The following TXNL4A variants were observed in gnomAD, a reference collection of about 807,000 sequenced individuals.
TXNL4A encodes the protein thioredoxin-like protein 4A.
TXNL4A carries 17 observed loss-of-function variants against 14.6 expected under a neutral mutation model. That is an observed-to-expected ratio of 1.16 (90% CI 0.80 to 1.74). TXNL4A has a LOEUF of 1.74. Among genes scored for constraint, TXNL4A ranks in the 40% most tolerant of loss-of-function variants. The pLI, the probability that TXNL4A is intolerant of heterozygous loss-of-function variation, is 0.00. For missense variants in TXNL4A, 74 were observed against 195.2 expected, an observed-to-expected ratio of 0.38 and a Z score of 3.70; for synonymous variants, 83 against 70.6, an observed-to-expected ratio of 1.18 and a Z score of -0.88.
chr18:79,981,409 C>T (rs112674070), intron 1 of TXNL4A, among the ~76,000 whole-genome samples: 37,850 of 152,226 alleles, frequency 0.25, 5,964 homozygotes, highest in Non-Finnish European at 0.36. Flanking sequence ...AGGTGGCTCA[C>T]GCCTGTAATC....
chr18:80,028,845 TACA>T, intron 1 of TXNL4A, among the ~76,000 whole-genome samples: 1 of 152,340 alleles, frequency 6.6e-6, no homozygotes, highest in South Asian at 2.1e-4. Context: ...ATAAAAAATG[TACA>T]ACATGTATCA....
At chr18:80,012,972 G>A (rs1002304462) in intron 1 of TXNL4A, among the ~76,000 whole-genome samples, 2 of 152,086 alleles carry the variant, frequency 1.3e-5, no homozygotes, top group Non-Finnish European at 1.5e-5. Context: ...TAAAGCATTC[G>A]TCGACGACCT....
intron 1 of TXNL4A, among the ~76,000 whole-genome samples, chr18:79,980,696 A>T (rs532224420): frequency 7.2e-5 from 11 of 152,324 alleles, no homozygotes; most frequent in South Asian, 2.1e-4. Context: ...ACTCCAGCAC[A>T]GGGCCCACTG....
chr18:79,995,272 A>C (rs2051653420), intron 1 of TXNL4A: 1 of 152,238 alleles, frequency 6.6e-6, no homozygotes, highest in African/African-American at 2.4e-5. Flanking sequence ...CAGTGGTCAG[A>C]CATTGTAGCA....
At position 79,982,254 on chromosome 18, in the gene TXNL4A, A is replaced by G. The variant is rs1219043775; in HGVS notation, c.154-4553T>C. Among the ~76,000 whole-genome samples, 2 of 152,222 alleles carry G rather than the reference A, an allele frequency of 1.3e-5. No individual in the cohort carries two copies. Among genetic ancestry groups the G allele is most frequent in the Non-Finnish European group, 1.5e-5 (1 of 68,030 alleles). On this transcript the variant is annotated intron_variant, in intron 1 of 2. Coordinates refer to ENST00000269601, the MANE Select transcript of TXNL4A (RefSeq NM_006701.5). This position sits in a 1 kb window ranked among gnomAD's most constrained non-coding sequence, Gnocchi z 4.0. Reference sequence around the variant, plus strand: ...ACAGTGGGGACCGATGCGCAGGTGGACTGGCCCACAGAGGACCTTTTCCAC... The same window carrying G: ...ACAGTGGGGACCGATGCGCAGGTGGGCTGGCCCACAGAGGACCTTTTCCAC...
intron 1 of TXNL4A, among the ~76,000 whole-genome samples, chr18:80,033,534 A>AG (rs2051940601): frequency 1.3e-5 from 2 of 152,378 alleles, no homozygotes; most frequent in Admixed American, 1.3e-4. Context: ...GCAGCAGCAA[A>AG]GCCCTGGAGG....
intron 1 of TXNL4A, among the ~76,000 whole-genome samples, chr18:80,021,835 T>C (rs969567020): frequency 6.6e-6 from 1 of 152,184 alleles, no homozygotes; most frequent in Non-Finnish European, 1.5e-5. Flanking sequence ...GAAGGTGGAA[T>C]TTTTAAGGTG....
chr18:79,998,916 C>G (rs2051680098), intron 1 of TXNL4A, among the ~76,000 whole-genome samples: 1 of 152,106 alleles, frequency 6.6e-6, no homozygotes, highest in African/African-American at 2.4e-5. Context: ...ACAAGAGATG[C>G]CACTGGATCA....
intron 1 of TXNL4A, among the ~76,000 whole-genome samples, chr18:80,018,288 G>A (rs1367467630): frequency 6.6e-6 from 1 of 152,080 alleles, no homozygotes; most frequent in Non-Finnish European, 1.5e-5. Flanking sequence ...TGAAACCAAC[G>A]AGAACAAAGA....
At chr18:79,990,976 C>T (rs922066309), upstream of TXNL4A, among the ~76,000 whole-genome samples, 3 of 151,892 alleles carry the variant, frequency 2.0e-5, no homozygotes, top group East Asian at 1.9e-4. Flanking sequence ...GGCGCGGTGG[C>T]GGGCGCCTGT....
chr18:80,029,102 G>C (rs889916131), intron 1 of TXNL4A, among the ~76,000 whole-genome samples: 9 of 152,196 alleles, frequency 5.9e-5, no homozygotes, highest in Non-Finnish European at 1.2e-4. Flanking sequence ...AACAGTCAGG[G>C]AGACACTTTT....
chr18:79,993,333 A>G (rs1372175804), upstream of TXNL4A, among the ~76,000 whole-genome samples: 1 of 148,688 alleles, frequency 6.7e-6, no homozygotes, highest in Non-Finnish European at 1.5e-5. The surrounding 1 kb of genome is among the most constrained non-coding windows in gnomAD (Gnocchi z 4.4). Flanking sequence ...AAAAAAAAAA[A>G]TCTCCTTTTT....
chr18:79,993,165 C>T (rs2051639118), upstream of TXNL4A, among the ~76,000 whole-genome samples: 1 of 152,146 alleles, frequency 6.6e-6, no homozygotes, highest in African/African-American at 2.4e-5. This position sits in a 1 kb window ranked among gnomAD's most constrained non-coding sequence, Gnocchi z 4.4. Context: ...GGTGGCCCAG[C>T]CTGCAGCAGC....
At chr18:79,975,134 C>G (rs1215328254) in intron 2 of TXNL4A, among the ~76,000 whole-genome samples, 1 of 152,136 alleles carries the variant, frequency 6.6e-6, no homozygotes, top group Non-Finnish European at 1.5e-5. Flanking sequence ...CCTATCTGAC[C>G]TGGGTGTACT....
intron 1 of TXNL4A, among the ~76,000 whole-genome samples, chr18:80,019,396 G>C (rs1326095575): frequency 2.0e-5 from 3 of 152,144 alleles, no homozygotes; most frequent in African/African-American, 4.8e-5. Context: ...TTTATCATGA[G>C]AACAGCACAG....
At chr18:80,033,225 ATAC>A (rs1172555331) in intron 1 of TXNL4A, among the ~76,000 whole-genome samples, 3 of 152,160 alleles carry the variant, frequency 2.0e-5, no homozygotes, top group Non-Finnish European at 4.4e-5. Flanking sequence ...ATGCACACAT[ATAC>A]ATGTCCACAC....
At chr18:80,020,056 C>T (rs997452884) in intron 1 of TXNL4A, among the ~76,000 whole-genome samples, 7 of 152,042 alleles carry the variant, frequency 4.6e-5, no homozygotes, top group Admixed American at 1.3e-4. Flanking sequence ...ATTGTGGGGG[C>T]GGGTCTTTCC....
At chr18:79,978,265 A>G (rs2051410312) in intron 1 of TXNL4A, among the ~76,000 whole-genome samples, 1 of 152,202 alleles carries the variant, frequency 6.6e-6, no homozygotes, top group Non-Finnish European at 1.5e-5. Flanking sequence ...CTTTACAAAT[A>G]GTTACATGCA....
rs776452274 is a variant in TXNL4A, at chr18:80,011,937, C to G, written c.-61+21914G>C. Among the ~76,000 whole-genome samples the G allele has an allele frequency of 6.6e-6, 1 of 152,132 alleles. No homozygotes were observed. Among genetic ancestry groups the G allele is most frequent in the African/African-American group, 2.4e-5 (1 of 41,430 alleles). Reference sequence around the variant, plus strand: ...GCTAAACATCTTATTGAGTGACTAACGAGTTCTCCTTCACTGATTAATCCT... The same window carrying G: ...GCTAAACATCTTATTGAGTGACTAAGGAGTTCTCCTTCACTGATTAATCCT... On this transcript the variant is annotated intron_variant, in intron 1 of 2. Transcript: ENST00000585474. This position sits in a 1 kb window ranked among gnomAD's most constrained non-coding sequence, Gnocchi z 4.1.
Sources: allele counts gnomAD v4.1 joint callset (sites outside exome capture counted in the v4.1 genomes callset), GRCh38; gene constraint gnomAD v4.1.1; non-coding constraint Gnocchi (gnomAD v3.1); transcripts MANE v1.5; gene names NCBI Gene and HGNC (gene_info 2026-07-23, HGNC 2026-07-21).